Variants in USP34 observed in about 807,000 individuals in gnomAD.
USP34 encodes ubiquitin specific peptidase 34.
In USP34, 70 loss-of-function variants were observed where a neutral mutation model predicts 460.3. That is an observed-to-expected ratio of 0.15 (90% CI 0.13 to 0.19). The LOEUF (loss-of-function observed/expected upper bound fraction) is 0.19, where lower values mean the gene tolerates loss of function less well. Among genes scored for constraint, USP34 ranks in the 10% least tolerant of loss-of-function variants. The probability of loss-of-function intolerance (pLI) is 1.00; values close to 1 mark genes in which losing one functional copy is unlikely to be tolerated. For missense variants in USP34, 3,985 were observed against 4,236.2 expected, an observed-to-expected ratio of 0.94 and a Z score of 1.65; for synonymous variants, 1,647 against 1,405.3, an observed-to-expected ratio of 1.17 and a Z score of -3.85.
At chr2:61,464,717 C>CAAA (rs35331685) in intron 1 of USP34, among the ~76,000 whole-genome samples, 10,310 of 77,490 alleles carry the variant, frequency 0.13, 887 homozygotes, top group East Asian at 0.34. Context: ...GACTCCGTCT[C>CAAA]AAAAAAAAAA....
intron 1 of USP34, among the ~76,000 whole-genome samples, chr2:61,429,695 C>G (rs1179772611): frequency 6.6e-6 from 1 of 152,030 alleles, no homozygotes; most frequent in Non-Finnish European, 1.5e-5. Context: ...ACTGATGCAC[C>G]AACAAGCAAC....
intron 8 of USP34, among the ~76,000 whole-genome samples, chr2:61,375,527 T>C (rs1401374556): frequency 2.0e-5 from 3 of 152,088 alleles, no homozygotes; most frequent in Non-Finnish European, 2.9e-5. Context: ...CCCAGCACTT[T>C]GGGAGGCCAA....
intron 1 of USP34, among the ~76,000 whole-genome samples, chr2:61,425,885 G>C (rs890517877): frequency 5.9e-5 from 9 of 151,888 alleles, no homozygotes; most frequent in Admixed American, 1.3e-4. Context: ...CCTTCTGTTT[G>C]AGGAGAGAAG....
chr2:61,467,669 G>C lies in USP34; in HGVS notation c.43+2981C>G, dbSNP rs991872475. 2.3e-5 allele frequency among the ~76,000 whole-genome samples: 3 copies of C among 128,918 alleles called. No individual in the cohort carries two copies. The East Asian group carries it at 7.2e-4, about 31-fold the overall frequency. The allele number at this position is 128,918 out of a possible 152,430, so 84.6% of individuals were successfully genotyped here. A position where few individuals can be genotyped will look rare whatever the true frequency, so the allele number is the denominator to read the frequency against. On this transcript the variant is annotated intron_variant, in intron 1 of 79. Coordinates refer to ENST00000398571, the MANE Select transcript of USP34 (RefSeq NM_014709.4). ...GAGTCTTGTTCTGTGGCCGAGGCTGGAGTGCAGTGGCATGATCTCGGCTCA... is the reference window on the plus strand; with the variant it reads ...GAGTCTTGTTCTGTGGCCGAGGCTGCAGTGCAGTGGCATGATCTCGGCTCA...
rs528434408 is a variant in USP34 at position 61,292,983 on chromosome 2, C to A, written c.4548+481G>T. Among the ~76,000 whole-genome samples, 7 of 151,982 alleles carry A rather than the reference C, an allele frequency of 4.6e-5. No individual in the cohort carries two copies. In the South Asian group the frequency reaches 1.0e-3, roughly 22 times the overall value. ...GTATTATAAAATACAGCAACAATGT[C>A]TAATTGCTATAAAAATTTCTAGAGG... On this transcript the variant is annotated intron_variant, in intron 33 of 79. Coordinates refer to ENST00000398571, the MANE Select transcript of USP34 (RefSeq NM_014709.4).
chr2:61,283,107 C>CA, intron 37 of USP34, 38 bp downstream of exon 37: 2 of 1,594,626 alleles, frequency 1.3e-6, no homozygotes, highest in South Asian at 1.1e-5. Context: ...TGAAAACATA[C>CA]AAAAAATAAC....
intron 44 of USP34, among the ~76,000 whole-genome samples, chr2:61,259,206 T>C (rs1017238458): frequency 3.3e-5 from 5 of 151,940 alleles, no homozygotes; most frequent in Middle Eastern, 3.4e-3. Flanking sequence ...TTGCAGTGAA[T>C]TGAGATCACA....
At chr2:61,399,026 C>A (rs1246286310) in intron 3 of USP34, among the ~76,000 whole-genome samples, 1 of 152,090 alleles carries the variant, frequency 6.6e-6, no homozygotes, top group African/African-American at 2.4e-5. Context: ...AATCTTAGAG[C>A]CACGATTTCT....
chr2:61,439,902 T>G (rs115088879), intron 1 of USP34, among the ~76,000 whole-genome samples: 2,866 of 152,122 alleles, frequency 0.019, 81 homozygotes, highest in African/African-American at 0.064. Flanking sequence ...ACTGTGCCAT[T>G]AGGACAGGGA....
intron 10 of USP34, among the ~76,000 whole-genome samples, chr2:61,360,221 TA>T (rs767937817): frequency 5.5e-4 from 83 of 152,208 alleles, no homozygotes; most frequent in Non-Finnish European, 1.1e-3. Flanking sequence ...ACTTAAGGAA[TA>T]AAAGGACTCC....
intron 3 of USP34, among the ~76,000 whole-genome samples, chr2:61,404,594 T>C (rs538985796): frequency 4.0e-4 from 61 of 152,156 alleles, no homozygotes; most frequent in African/African-American, 1.4e-3. Context: ...TAGTGGAAAA[T>C]AAGCCATGTG....
intron 5 of USP34, among the ~76,000 whole-genome samples, chr2:61,388,869 A>C (rs1444772417): frequency 1.3e-5 from 2 of 152,148 alleles, no homozygotes; most frequent in Non-Finnish European, 2.9e-5. Flanking sequence ...ATGTTCACCA[A>C]AACACACATA....
At chr2:61,456,014 A>C (rs749363047) in intron 1 of USP34, among the ~76,000 whole-genome samples, 25 of 152,186 alleles carry the variant, frequency 1.6e-4, no homozygotes, top group Admixed American at 1.4e-3. Context: ...TGTACTCTGG[A>C]ACCTTCCTTA....
intron 12 of USP34, 139 bp downstream of exon 12, chr2:61,350,121 A>G (rs578036318): frequency 2.3e-6 from 2 of 861,250 alleles, no homozygotes; most frequent in East Asian, 3.0e-5. Flanking sequence ...TCACAGTATT[A>G]ATCCTTTTAT....
In USP34 at chr2:61,384,576, G is replaced by C. The variant is rs1418181090; in HGVS notation, c.754-1240C>G. On this transcript the variant is annotated intron_variant, in intron 5 of 79. Transcript: ENST00000398571. ...CAGTCCCAGCACTCTGGGAGGTTGAGGTGGGAGATTCGCTTGAACCCAGGA... is the reference window on the plus strand; with the variant it reads ...CAGTCCCAGCACTCTGGGAGGTTGACGTGGGAGATTCGCTTGAACCCAGGA... 2.0e-5 allele frequency among the ~76,000 whole-genome samples: 3 copies of C among 152,130 alleles called. No individual in the cohort carries two copies. In the East Asian group the frequency reaches 5.8e-4, roughly 29 times the overall value.
chr2:61,258,790 T>G, intron 44 of USP34, among the ~76,000 whole-genome samples: 1 of 152,216 alleles, frequency 6.6e-6, no homozygotes, highest in East Asian at 1.9e-4. Flanking sequence ...TTTATAGTTT[T>G]AGGCATTGTA....
At position 61,214,343 on chromosome 2, in the gene USP34, G is replaced by A; in HGVS notation, c.8399C>T (p.Ala2800Val). ...PAIATNHNKQ[A>V]LLSFWYNVCA... ...GACATTGTACCAAAATGAAAGCAAA[G>A]CCTGTTTATTGTGATTTGTAGCTAT... Residue 2800 changes from alanine (A) to valine (V), a missense_variant, in exon 68 of 80, where the codon GCT becomes GTT. Ala to Val is a moderately conservative substitution (Grantham distance 64). This residue lies in a region of USP34 where 66 missense variants were observed against 121.2 expected (regional missense o/e 0.54). Transcript: ENST00000398571. 1 of 1,614,210 alleles carries A rather than the reference G, an allele frequency of 6.2e-7. No individual in the cohort carries two copies. Among genetic ancestry groups the A allele is most frequent in the Non-Finnish European group, 8.5e-7 (1 of 1,180,026 alleles).
chr2:61,231,613 G>A (rs1248946467), intron 58 of USP34, among the ~76,000 whole-genome samples: 1 of 151,682 alleles, frequency 6.6e-6, no homozygotes, highest in African/African-American at 2.4e-5. Flanking sequence ...TACTCAGGAG[G>A]CTGAGGTGGG....
intron 7 of USP34, among the ~76,000 whole-genome samples, chr2:61,379,920 A>G (rs1287702725): frequency 2.6e-5 from 4 of 152,260 alleles, no homozygotes; most frequent in Admixed American, 6.5e-5. Flanking sequence ...AAAAAGACAG[A>G]AACAAAATGA....
Sources: gnomAD v4.1 joint callset for allele counts (sites outside exome capture counted in the v4.1 genomes callset) on GRCh38, gnomAD v4.1.1 for gene constraint, gnomAD v4.1.1 regional missense constraint, MANE v1.5 for transcripts, NCBI Gene and HGNC (gene_info 2026-07-23, HGNC 2026-07-21) for gene names.